PLA2G4C: variants seen among roughly 807,000 people sequenced by gnomAD.
The protein encoded by PLA2G4C is cytosolic phospholipase A2 gamma.
PLA2G4C carries 64 observed loss-of-function variants against 73.8 expected under a neutral mutation model. The observed-to-expected ratio is 0.87, with a 90% CI of 0.71 to 1.07. PLA2G4C has a LOEUF of 1.07. PLA2G4C is among the 50% of genes least tolerant of loss of function. The pLI is 0.00. For missense variants in PLA2G4C, 622 were observed against 665.4 expected, an observed-to-expected ratio of 0.93 and a Z score of 0.72; for synonymous variants, 254 against 252.1, an observed-to-expected ratio of 1.01 and a Z score of -0.07.
At chr19:48,050,819 C>T in intron 16 of PLA2G4C, among the ~76,000 whole-genome samples, 1 of 151,800 alleles carries the variant, frequency 6.6e-6, no homozygotes. Flanking sequence ...GGACCACAGG[C>T]ATACACCACC....
chr19:48,071,933 G>T (rs1194759206), intron 12 of PLA2G4C, among the ~76,000 whole-genome samples: 1 of 151,750 alleles, frequency 6.6e-6, no homozygotes, highest in Non-Finnish European at 1.5e-5. Flanking sequence ...GGATCACAAG[G>T]TCAGGAGTTC....
intron 14 of PLA2G4C, among the ~76,000 whole-genome samples, chr19:48,055,986 A>C (rs1441382152): frequency 6.6e-6 from 1 of 152,202 alleles, no homozygotes; most frequent in African/African-American, 2.4e-5. Context: ...AGTAGGAGAA[A>C]TTAATTTTAA....
chr19:48,067,670 C>A (rs1000529057), intron 13 of PLA2G4C, 121 bp downstream of exon 13: 10 of 732,498 alleles, frequency 1.4e-5, no homozygotes, highest in Middle Eastern at 3.9e-4. Context: ...TTTGACACCA[C>A]CCCCCTCCAA....
At chr19:48,074,710 G>T in intron 12 of PLA2G4C, 57 bp downstream of exon 12, 3 of 1,165,088 alleles carry the variant, frequency 2.6e-6, no homozygotes, top group South Asian at 2.4e-5. Flanking sequence ...GAGCAAGAGG[G>T]GGGAGAAGGT....
Position 48,110,565 on chromosome 19 carries a change from T to TTGGGCTCCCC in PLA2G4C, c.-112_-111insGGGGAGCCCA. The TTGGGCTCCCC allele has an allele frequency of 2.5e-6, 1 of 393,572 alleles. No homozygotes were observed. The highest frequency in any genetic ancestry group is 3.3e-6 in the Non-Finnish European group (1 of 307,616). 24.4% of individuals were successfully genotyped at this position (393,572 alleles called of 1,614,324 possible). A position where few individuals can be genotyped will look rare whatever the true frequency, so the allele number is the denominator to read the frequency against. ...ATCCGGTGCGGAGGCTTGGGCTCCCTGCGCTTAGCGGTGTAGTCGCTGGAC... is the reference window on the plus strand; with the variant it reads ...ATCCGGTGCGGAGGCTTGGGCTCCCTTGGGCTCCCCGCGCTTAGCGGTGTAGTCGCTGGAC... On this transcript the variant is annotated 5_prime_UTR_variant, in exon 1 of 17. Coordinates refer to ENST00000599921, the MANE Select transcript of PLA2G4C (RefSeq NM_003706.3).
intron 14 of PLA2G4C, among the ~76,000 whole-genome samples, chr19:48,055,821 A>T (rs577554472): frequency 6.6e-6 from 1 of 151,898 alleles, no homozygotes; most frequent in South Asian, 2.1e-4. Context: ...TTTAGTAGAG[A>T]CAGGGTTTCT....
intron 7 of PLA2G4C, 63 bp downstream of exon 7, chr19:48,095,401 G>A: frequency 6.5e-7 from 1 of 1,527,488 alleles, no homozygotes; most frequent in South Asian, 1.2e-5. Context: ...CCCTCAGAAG[G>A]AAAATTCTTG....
At chr19:48,107,136 C>T (rs1370680198) in intron 1 of PLA2G4C, among the ~76,000 whole-genome samples, 1 of 152,062 alleles carries the variant, frequency 6.6e-6, no homozygotes, top group Non-Finnish European at 1.5e-5. Flanking sequence ...CGAGCCACCG[C>T]GTCCGACCTG....
intron 12 of PLA2G4C, among the ~76,000 whole-genome samples, chr19:48,069,215 T>C (rs917150581): frequency 6.6e-6 from 1 of 151,898 alleles, no homozygotes. Flanking sequence ...GAGCCACAGG[T>C]GAGATGACTT....
At chr19:48,054,698 G>A (rs1967865647) in intron 15 of PLA2G4C, among the ~76,000 whole-genome samples, 180 bp downstream of exon 15, 1 of 152,144 alleles carries the variant, frequency 6.6e-6, no homozygotes, top group Non-Finnish European at 1.5e-5. Context: ...AAGGTGACTT[G>A]CTTGGCCTTC....
intron 10 of PLA2G4C, among the ~76,000 whole-genome samples, chr19:48,078,547 A>G (rs1336916385): frequency 1.3e-5 from 2 of 151,880 alleles, no homozygotes; most frequent in African/African-American, 4.8e-5. Context: ...ATGTACACAA[A>G]CAGTAGCACT....
chr19:48,105,920 TCCCTCCC>T (rs2032187811), intron 2 of PLA2G4C, among the ~76,000 whole-genome samples: 1 of 16,534 alleles, frequency 6.0e-5, no homozygotes, highest in Non-Finnish European at 1.0e-4. Context: ...CCTCCCTCCC[TCCCTCCC>T]TCCCTCCCTC....
At chr19:48,077,682 C>T in intron 11 of PLA2G4C, 89 bp downstream of exon 11, 2 of 957,368 alleles carry the variant, frequency 2.1e-6, no homozygotes. Flanking sequence ...ATGAATCAGA[C>T]ACGTAAAGTT....
rs907901689 is a variant in PLA2G4C at position 48,086,988 on chromosome 19, G to A, written c.790+1698C>T. Among the ~76,000 whole-genome samples the A allele has an allele frequency of 7.9e-5, 12 of 152,260 alleles. No individual in the cohort carries two copies. In the East Asian group the frequency reaches 9.7e-4, roughly 12 times the overall value. On this transcript the variant is annotated intron_variant, in intron 9 of 16. Transcript: ENST00000599921. Reference sequence around the variant, plus strand: ...AGTCTCGAGGACAGGGGACATTACCGGATTCCTTGGAGACATTCCCAAGAA... The same window carrying A: ...AGTCTCGAGGACAGGGGACATTACCAGATTCCTTGGAGACATTCCCAAGAA...
intron 10 of PLA2G4C, among the ~76,000 whole-genome samples, chr19:48,083,205 A>G (rs947462412): frequency 6.6e-6 from 1 of 152,100 alleles, no homozygotes; most frequent in Non-Finnish European, 1.5e-5. Flanking sequence ...TGCTCTAAGT[A>G]CTTTACATAC....
intron 1 of PLA2G4C, 128 bp downstream of exon 1, chr19:48,110,358 AT>A (rs1323783861): frequency 9.6e-5 from 57 of 596,094 alleles, no homozygotes; most frequent in South Asian, 1.5e-4. Context: ...AAAAAAATAA[AT>A]AAATAAATAA....
intron 13 of PLA2G4C, among the ~76,000 whole-genome samples, chr19:48,065,153 G>T (rs117069920): frequency 0.025 from 3,860 of 151,600 alleles, 49 homozygotes; most frequent in Middle Eastern, 0.054. Context: ...CACAGCCTAG[G>T]TTTATACATT....
intron 14 of PLA2G4C, among the ~76,000 whole-genome samples, chr19:48,060,012 A>G (rs1044661320): frequency 6.6e-6 from 1 of 151,134 alleles, no homozygotes; most frequent in Admixed American, 6.6e-5. Flanking sequence ...CTTCTGATCC[A>G]CCCGCCTCGG....
chr19:48,058,475 C>A (rs1169637995), intron 14 of PLA2G4C, among the ~76,000 whole-genome samples: 1 of 152,098 alleles, frequency 6.6e-6, no homozygotes, highest in Admixed American at 6.6e-5. Context: ...CATGAAGGTG[C>A]TTCATACCTG....
Sources: allele counts gnomAD v4.1 joint callset (sites outside exome capture counted in the v4.1 genomes callset), GRCh38; gene constraint gnomAD v4.1.1; transcripts MANE v1.5; gene names NCBI Gene and HGNC (gene_info 2026-07-23, HGNC 2026-07-21).